The following WWOX variants were observed in gnomAD, a reference collection of about 807,000 sequenced individuals.
WWOX encodes the protein WW domain containing oxidoreductase, also known as WW domain-containing oxidoreductase.
A neutral mutation model predicts 46.2 loss-of-function variants in WWOX; 69 were observed. The observed-to-expected ratio is 1.49, with a 90% CI of 1.23 to 1.82. The LOEUF (loss-of-function observed/expected upper bound fraction) is 1.82, where lower values mean the gene tolerates loss of function less well. Among genes scored for constraint, WWOX ranks in the 40% most tolerant of loss-of-function variants. WWOX has a pLI of 0.00. For synonymous variants in WWOX, 359 were observed against 202.6 expected, an observed-to-expected ratio of 1.77 and a Z score of -6.56; for missense variants, 919 against 542.6, an observed-to-expected ratio of 1.69 and a Z score of -6.89.
intron 8 of WWOX, among the ~76,000 whole-genome samples, chr16:79,036,510 C>T (rs2656639): frequency 3.9e-5 from 6 of 152,126 alleles, no homozygotes; most frequent in Non-Finnish European, 8.8e-5. Context: ...CTCCGAGCAG[C>T]TCCTAAGGAA....
rs2050489173 is a variant in WWOX at position 78,787,579 on chromosome 16, G to C, written c.1056+354827G>C. Among the ~76,000 whole-genome samples the C allele has an allele frequency of 2.0e-5, 3 of 152,280 alleles. No homozygotes were observed. The South Asian group carries it at 6.2e-4, about 32-fold the overall frequency. ...ATCCATTTGCCAGTGGGTGGTCATTGTGTTTCTACTTGTTGGCTGTTACGA... is the reference window on the plus strand; with the variant it reads ...ATCCATTTGCCAGTGGGTGGTCATTCTGTTTCTACTTGTTGGCTGTTACGA... On this transcript the variant is annotated intron_variant, in intron 8 of 8. Transcript: ENST00000566780.
At chr16:78,278,526 G>C in intron 5 of WWOX, 1 of 1,400,038 alleles carries the variant, frequency 7.1e-7, no homozygotes, top group Non-Finnish European at 9.8e-7. Flanking sequence ...ACTTATCTTT[G>C]GAATGCTTCA....
chr16:78,736,792 A>G (rs2049102487), intron 8 of WWOX, among the ~76,000 whole-genome samples: 1 of 152,104 alleles, frequency 6.6e-6, no homozygotes, highest in Non-Finnish European at 1.5e-5. Context: ...AAATTTTTTT[A>G]GACACTGAGT....
intron 4 of WWOX, 137 bp from the exon 5 acceptor site, chr16:78,164,045 CT>C: frequency 1.2e-6 from 1 of 804,622 alleles, no homozygotes; most frequent in Non-Finnish European, 2.1e-6. Context: ...CAGACATTTG[CT>C]TCTGTCCCCT....
chr16:78,365,077 T>G (rs958330279), intron 5 of WWOX, among the ~76,000 whole-genome samples: 11 of 152,178 alleles, frequency 7.2e-5, no homozygotes, highest in Admixed American at 6.5e-4. Flanking sequence ...CCAACTAGTT[T>G]ATGAGCTTAA....
chr16:78,729,889 A>T (rs758641589), intron 8 of WWOX, among the ~76,000 whole-genome samples: 47 of 152,112 alleles, frequency 3.1e-4, no homozygotes, highest in Non-Finnish European at 6.6e-4. Flanking sequence ...ACAGGGCTCT[A>T]TTTAGATTTA....
At chr16:79,130,366 C>T (rs553771171) in intron 8 of WWOX, among the ~76,000 whole-genome samples, 53 of 152,276 alleles carry the variant, frequency 3.5e-4, no homozygotes, top group African/African-American at 1.2e-3. Flanking sequence ...ATTAATACAA[C>T]TAATAAATAG....
intron 6 of WWOX, among the ~76,000 whole-genome samples, chr16:78,393,862 TTAAAA>T (rs1241017037): frequency 6.6e-6 from 1 of 152,094 alleles, no homozygotes; most frequent in Non-Finnish European, 1.5e-5. Context: ...AAAAAAAAGG[TTAAAA>T]TAACGGTTTT....
At position 78,597,678 on chromosome 16, in the gene WWOX, G is replaced by A. The variant is rs576945829; in HGVS notation, c.1056+164926G>A. 1.4e-3 allele frequency among the ~76,000 whole-genome samples: 205 copies of A among 151,676 alleles called. 1 individual carries two copies. Among genetic ancestry groups the A allele is most frequent in the Non-Finnish European group, 2.5e-3 (171 of 67,954 alleles). ...ATGCTTTCCAAACCCCTAAATTGTG[G>A]TGCCTCAGTGATCTTCTATAACATA... On this transcript the variant is annotated intron_variant, in intron 8 of 8. Transcript: ENST00000566780.
At chr16:78,591,970 C>G (rs553192363) in intron 8 of WWOX, among the ~76,000 whole-genome samples, 5 of 152,220 alleles carry the variant, frequency 3.3e-5, no homozygotes, top group Non-Finnish European at 7.3e-5. Context: ...AACAATGCGC[C>G]TATTGACTTC....
In WWOX at chr16:78,119,342, G is replaced by C. The variant is rs112178146; in HGVS notation, c.409+4188G>C. On this transcript the variant is annotated intron_variant, in intron 4 of 8. Transcript: ENST00000566780. ...TCGCATTGAGGAAGGTCCCTGCTTCGTTTTTAGACACAGCCTATCAGTCAG... is the reference window on the plus strand; with the variant it reads ...TCGCATTGAGGAAGGTCCCTGCTTCCTTTTTAGACACAGCCTATCAGTCAG... Among the ~76,000 whole-genome samples the C allele has an allele frequency of 1.5e-3, 225 of 152,244 alleles. 2 individuals are homozygous for C. The highest frequency in any genetic ancestry group is 5.3e-3 in the African/African-American group (220 of 41,536).
intron 8 of WWOX, among the ~76,000 whole-genome samples, chr16:78,874,892 G>C (rs968207176): frequency 2.6e-5 from 4 of 152,030 alleles, no homozygotes; most frequent in Admixed American, 2.6e-4. Flanking sequence ...ATAGGCCCAA[G>C]AGCTCCCCTT....
intron 8 of WWOX, among the ~76,000 whole-genome samples, chr16:79,194,067 G>T (rs942091397): frequency 5.9e-5 from 9 of 152,042 alleles, no homozygotes; most frequent in Non-Finnish European, 1.0e-4. Context: ...TGAAGATTCT[G>T]TGTGTGTGTG....
At chr16:78,983,259 C>T (rs958681894) in intron 8 of WWOX, among the ~76,000 whole-genome samples, 2 of 152,118 alleles carry the variant, frequency 1.3e-5, no homozygotes, top group African/African-American at 4.8e-5. Context: ...AAAACCTAAG[C>T]TGAAGAAAGG....
rs374945922 is a variant in WWOX, at chr16:78,605,807, T to G, written c.1056+173055T>G. Among the ~76,000 whole-genome samples the G allele has an allele frequency of 8.7e-4, 133 of 152,308 alleles. No individual in the cohort carries two copies. The South Asian group carries it at 0.012, about 14-fold the overall frequency. ...CAATGTTGGGGCACTCATGGTTAAA[T>G]TGAACCTTTCCCCTGGTTAAGTGGA... On this transcript the variant is annotated intron_variant, in intron 8 of 8. Coordinates refer to ENST00000566780, the MANE Select transcript of WWOX (RefSeq NM_016373.4).
At chr16:79,040,468 C>A (rs889743) in intron 8 of WWOX, among the ~76,000 whole-genome samples, 4 of 151,962 alleles carry the variant, frequency 2.6e-5, no homozygotes, top group African/African-American at 9.7e-5. Context: ...TAGAGACAAG[C>A]CTTCACTATG....
chr16:78,862,464 C>G (rs979648467), intron 8 of WWOX, among the ~76,000 whole-genome samples: 1 of 151,608 alleles, frequency 6.6e-6, no homozygotes, highest in Non-Finnish European at 1.5e-5. Flanking sequence ...CAATATAGAT[C>G]TATAAACACA....
At chr16:78,699,453 A>G (rs568787800) in intron 8 of WWOX, among the ~76,000 whole-genome samples, 1 of 152,108 alleles carries the variant, frequency 6.6e-6, no homozygotes, top group East Asian at 1.9e-4. Context: ...GTGGGAAGAT[A>G]TCCTGAGCCC....
chr16:78,394,969 T>C (rs1407245835), intron 6 of WWOX, among the ~76,000 whole-genome samples: 1 of 152,204 alleles, frequency 6.6e-6, no homozygotes, highest in African/African-American at 2.4e-5. Context: ...GTGTAATGTG[T>C]ATTTTCACAG....
Sources: gnomAD v4.1 joint callset for allele counts (sites outside exome capture counted in the v4.1 genomes callset) on GRCh38, gnomAD v4.1.1 for gene constraint, MANE v1.5 for transcripts, NCBI Gene and HGNC (gene_info 2026-07-23, HGNC 2026-07-21) for gene names.